SPTBN2: variants seen among roughly 807,000 people sequenced by gnomAD.
SPTBN2 encodes spectrin beta, non-erythrocytic 2.
In SPTBN2, 107 loss-of-function variants were observed where a neutral mutation model predicts 284.2. The observed-to-expected ratio is 0.38, with a 90% CI of 0.32 to 0.44. The LOEUF is 0.44. Among genes scored for constraint, SPTBN2 ranks in the 20% least tolerant of loss-of-function variants. The pLI is 1.00. For synonymous variants in SPTBN2, 1,289 were observed against 1,354.8 expected (o/e 0.95, Z 1.07); for missense variants, 2,569 against 3,287.1 (o/e 0.78, Z 5.34).
At chr11:66,730,545 A>G (rs563643689), upstream of SPTBN2, among the ~76,000 whole-genome samples, 2 of 151,308 alleles carry the variant, frequency 1.3e-5, no homozygotes, top group South Asian at 4.2e-4. Context: ...GTGCCACTGC[A>G]CTTCAGCCTG....
In SPTBN2 at chr11:66,691,179, C is replaced by T; in HGVS notation, c.5565+105G>A. On this transcript the variant is annotated intron_variant, in intron 27 of 37. Coordinates refer to ENST00000533211, the MANE Select transcript of SPTBN2 (RefSeq NM_006946.4). The surrounding 1 kb of genome is among the most constrained non-coding windows in gnomAD (Gnocchi z 8.0). Reference sequence around the variant, plus strand: ...GAAATGGCCCTCGAAAGAGTGCCGTCCTCCCAGCATTTCTGAGCTCTACCC... The same window carrying T: ...GAAATGGCCCTCGAAAGAGTGCCGTTCTCCCAGCATTTCTGAGCTCTACCC... 1 of 1,418,770 alleles carries T rather than the reference C, an allele frequency of 7.0e-7. No homozygotes were observed. The highest frequency in any genetic ancestry group is 9.3e-7 in the Non-Finnish European group (1 of 1,072,698). The allele number at this position is 1,418,770 out of a possible 1,614,324, so 87.9% of individuals were successfully genotyped here.
At chr11:66,686,693 G>C in intron 36 of SPTBN2, 1 of 630,682 alleles carries the variant, frequency 1.6e-6, no homozygotes, top group Non-Finnish European at 2.8e-6. Context: ...CTGCTTGCTG[G>C]CAGGCAGGGA....
chr11:66,726,611 C>G (rs887756699), intron 1 of SPTBN2, among the ~76,000 whole-genome samples: 19 of 152,194 alleles, frequency 1.2e-4, no homozygotes, highest in African/African-American at 4.6e-4. Context: ...TCAAATATCA[C>G]TTCCCCTCAG....
At position 66,693,099 on chromosome 11, in the gene SPTBN2, T is replaced by A; in HGVS notation, c.4856A>T (p.Asp1619Val). ...LHMMGQEKAK[D>V]ELSAQAEVKK... ...CACCTCTGCCTGGGCACTCAGCTCATCCTGGGGGAAGGGACAGTGGCATCC... is the reference window on the plus strand; with the variant it reads ...CACCTCTGCCTGGGCACTCAGCTCAACCTGGGGGAAGGGACAGTGGCATCC... Residue 1619 changes from aspartate to valine, a missense_variant and splice_region_variant, in exon 25 of 38, where the codon GAT becomes GTT. Asp to Val is a radical substitution (Grantham distance 152). Around this residue, in one of 6 missense-constraint regions of SPTBN2, gnomAD observed 1,130 missense variants for 1,317.3 expected, o/e 0.86. Transcript: ENST00000533211. The surrounding 1 kb of genome is among the most constrained non-coding windows in gnomAD (Gnocchi z 5.7). The A allele has an allele frequency of 6.2e-7, 1 of 1,614,178 alleles. No homozygotes were observed. Among genetic ancestry groups the A allele is most frequent in the Non-Finnish European group, 8.5e-7 (1 of 1,180,030 alleles).
At chr11:66,703,091 A>AT (rs1237176329) in intron 15 of SPTBN2, among the ~76,000 whole-genome samples, 1 of 150,934 alleles carries the variant, frequency 6.6e-6, no homozygotes, top group Non-Finnish European at 1.5e-5. Context: ...ATTTTTATTT[A>AT]TTTTTTTGAG....
intron 29 of SPTBN2, among the ~76,000 whole-genome samples, chr11:66,689,551 G>A (rs764213543): frequency 2.0e-5 from 3 of 152,070 alleles, no homozygotes; most frequent in South Asian, 2.1e-4. Context: ...TGATCTGCCC[G>A]CCTGGGCCTC....
At chr11:66,699,722 G>A in intron 17 of SPTBN2, 114 bp from the exon 18 acceptor site, 2 of 1,066,820 alleles carry the variant, frequency 1.9e-6, no homozygotes, top group Non-Finnish European at 2.9e-6. Context: ...GACAGGGAGG[G>A]TAGCCCAGAG....
intron 15 of SPTBN2, among the ~76,000 whole-genome samples, chr11:66,702,962 CA>C (rs1426611307): frequency 1.4e-5 from 2 of 143,432 alleles, no homozygotes; most frequent in African/African-American, 2.5e-5. Context: ...AAAAAAAAAC[CA>C]AAAAAAACTT....
rs893573808 is a variant in SPTBN2, at chr11:66,688,413, A to G, written c.6232-102T>C. 9 of 1,537,934 alleles carry G rather than the reference A, an allele frequency of 5.9e-6. No homozygotes were observed. The Admixed American group carries it at 9.8e-5, about 17-fold the overall frequency. On this transcript the variant is annotated intron_variant, in intron 31 of 37. Coordinates refer to ENST00000533211, the MANE Select transcript of SPTBN2 (RefSeq NM_006946.4). The stretch of plus-strand genomic sequence containing the variant: ...CTCAACTCTAATTTGATGAAATATG[A>G]TAAGAGGAGAACAGAATTTGAGAAG...
intron 37 of SPTBN2, 87 bp from the exon 38 acceptor site, chr11:66,686,191 G>A (rs1451174985): frequency 6.9e-7 from 1 of 1,448,962 alleles, no homozygotes; most frequent in South Asian, 1.1e-5. Context: ...AGAGGAGGAG[G>A]CAGAAAGTGA....
At position 66,682,554 on chromosome 11, in the gene SPTBN2, C is replaced by A. The variant is rs1340496292; in HGVS notation, c.*3317G>T. On this transcript the variant is annotated 3_prime_UTR_variant, in exon 38 of 38. Transcript: ENST00000533211. Reference sequence around the variant, plus strand: ...ACCCAATATATCTAAAATATTATTTCAACACATAATCAATATAAAAATTAA... The same window carrying A: ...ACCCAATATATCTAAAATATTATTTAAACACATAATCAATATAAAAATTAA... 6.6e-6 allele frequency among the ~76,000 whole-genome samples: 1 copy of A among 152,150 alleles called. No homozygotes were observed. The highest frequency in any genetic ancestry group is 1.9e-4 in the East Asian group (1 of 5,200).
intron 17 of SPTBN2, 127 bp from the exon 18 acceptor site, chr11:66,699,735 C>T: frequency 2.1e-6 from 2 of 973,904 alleles, no homozygotes; most frequent in Non-Finnish European, 3.2e-6. Context: ...GCCCAGAGAG[C>T]TCTGAAGACA....
At chr11:66,729,754 A>G (rs1942769899), upstream of SPTBN2, among the ~76,000 whole-genome samples, 2 of 152,112 alleles carry the variant, frequency 1.3e-5, no homozygotes, top group Admixed American at 1.3e-4. Flanking sequence ...CGAAACTGGA[A>G]CTGGCTCTCT....
rs1291680770 is a variant in SPTBN2, at chr11:66,683,164, T to C, written c.*2707A>G. On this transcript the variant is annotated 3_prime_UTR_variant, in exon 38 of 38. Coordinates refer to ENST00000533211, the MANE Select transcript of SPTBN2 (RefSeq NM_006946.4). Reference sequence around the variant, plus strand: ...CTCACTGCAAGCTCCGCCTCCCGGGTTCACGCCATTCTCCTGCCTCAGCCT... The same window carrying C: ...CTCACTGCAAGCTCCGCCTCCCGGGCTCACGCCATTCTCCTGCCTCAGCCT... 2.2e-5 allele frequency among the ~76,000 whole-genome samples: 3 copies of C among 138,948 alleles called. No homozygotes were observed. In the Admixed American group the frequency reaches 2.4e-4, roughly 11 times the overall value. 91.2% of individuals were successfully genotyped at this position (138,948 alleles called of 152,430 possible).
chr11:66,692,632 C>G lies in SPTBN2; in HGVS notation c.5094G>C (p.Gln1698His). 1 of 1,605,962 alleles carries G rather than the reference C, an allele frequency of 6.2e-7. No homozygotes were observed. The highest frequency in any genetic ancestry group is 1.3e-5 in the African/African-American group (1 of 75,062). Reference sequence around the variant, plus strand: ...CCAGGTCATCCAGCTCGCGGCGGAGCTGGCACAGCCGGAGGTGCTCCTGCA... The same window carrying G: ...CCAGGTCATCCAGCTCGCGGCGGAGGTGGCACAGCCGGAGGTGCTCCTGCA... ...ERLQEHLRLC[Q>H]LRRELDDLEQ... The change falls in exon 26 of 38, where the codon CAG (glutamine) becomes CAC (histidine). Residue 1698 changes from glutamine (Q) to histidine (H), a missense_variant. Coordinates refer to ENST00000533211, the MANE Select transcript of SPTBN2 (RefSeq NM_006946.4).
chr11:66,741,221 T>TG (rs963334662), intron 1 of SPTBN2, among the ~76,000 whole-genome samples: 1 of 152,196 alleles, frequency 6.6e-6, no homozygotes, highest in African/African-American at 2.4e-5. Flanking sequence ...AATTCAATCA[T>TG]GGGGGCAGTT....
At chr11:66,704,550 C>T (rs756730043) in intron 15 of SPTBN2, 48 bp downstream of exon 15, 3 of 1,579,772 alleles carry the variant, frequency 1.9e-6, no homozygotes, top group South Asian at 2.3e-5. Context: ...CTGGCCCCCC[C>T]ACCCCCACCT....
At chr11:66,732,826 C>T (rs1334482656), upstream of SPTBN2, among the ~76,000 whole-genome samples, 6 of 151,264 alleles carry the variant, frequency 4.0e-5, no homozygotes, top group Admixed American at 6.6e-5. Context: ...ATTAGCCGGG[C>T]GTGGTGGCAA....
In SPTBN2 at chr11:66,714,200, G is replaced by C. The variant is rs138086251; in HGVS notation, c.576-29C>G. The C allele has an allele frequency of 1.7e-5, 27 of 1,612,108 alleles. 1 individual carries two copies. In the African/African-American group the frequency reaches 3.2e-4, roughly 19 times the overall value. On this transcript the variant is annotated intron_variant, in intron 6 of 37. Transcript: ENST00000533211. ...TAAACAGAGATTCAGAAAATGGTGA[G>C]TAGGGCTGAGCTCTGTTCTATGACT...
Sources: gnomAD v4.1 joint callset for allele counts (sites outside exome capture counted in the v4.1 genomes callset) on GRCh38, gnomAD v4.1.1 for gene constraint, gnomAD v4.1.1 regional missense constraint, Gnocchi (gnomAD v3.1) non-coding constraint, MANE v1.5 for transcripts, NCBI Gene and HGNC (gene_info 2026-07-23, HGNC 2026-07-21) for gene names.